Variants in GUSB observed in about 807,000 individuals in gnomAD.
The protein encoded by GUSB is glucuronidase beta.
In GUSB, 51 loss-of-function variants were observed where a neutral mutation model predicts 74.6. The ratio of observed to expected loss-of-function variants is 0.68; its 90% confidence interval spans 0.55 to 0.86. The LOEUF is 0.86. Ranked by LOEUF, GUSB falls within the 40% of genes least tolerant of loss-of-function variation. GUSB has a pLI of 0.00. For missense variants in GUSB, 736 were observed against 853.7 expected (o/e 0.86, Z 1.72); for synonymous variants, 360 against 348.3 (o/e 1.03, Z -0.37).
chr7:65,976,336 T>C lies in GUSB; in HGVS notation c.725-134A>G. On this transcript the variant is annotated intron_variant, in intron 4 of 11. Transcript: ENST00000304895. ...TTTTTTAAATTTAATTTCTTATTTT[T>C]TTTTTTTGAGACGGAGTCTCACTCT... 1.0e-5 allele frequency: 7 copies of C among 687,924 alleles called. No individual in the cohort carries two copies. In the South Asian group the frequency reaches 1.2e-4, roughly 12 times the overall value. The allele number at this position is 687,924 out of a possible 1,614,324, so 42.6% of individuals were successfully genotyped here.
chr7:65,968,071 G>C (rs1258287249), intron 9 of GUSB, among the ~76,000 whole-genome samples, 164 bp from the exon 10 acceptor site: 1 of 151,742 alleles, frequency 6.6e-6, no homozygotes, highest in Non-Finnish European at 1.5e-5. Context: ...GGGCAACACA[G>C]CAAGACTGCA....
intron 10 of GUSB, among the ~76,000 whole-genome samples, chr7:65,965,963 G>A (rs1790806611): frequency 6.6e-6 from 1 of 152,146 alleles, no homozygotes; most frequent in Admixed American, 6.5e-5. Flanking sequence ...TTGAGGTCAG[G>A]AGTTCAAGAC....
chr7:65,972,457 C>T (rs758979510), intron 8 of GUSB, among the ~76,000 whole-genome samples: 10 of 152,218 alleles, frequency 6.6e-5, no homozygotes, highest in Non-Finnish European at 1.0e-4. Context: ...AGCCACCGCA[C>T]CCAGCCTAGA....
At chr7:65,964,241 C>G in intron 11 of GUSB, 82 bp downstream of exon 11, 1 of 1,199,906 alleles carries the variant, frequency 8.3e-7, no homozygotes, top group Non-Finnish European at 1.2e-6. Flanking sequence ...AATATTCTTA[C>G]AATTGAAATG....
At chr7:65,970,400 C>T (rs1384736654) in intron 8 of GUSB, 34 bp from the exon 9 acceptor site, 2 of 1,452,326 alleles carry the variant, frequency 1.4e-6, no homozygotes, top group Non-Finnish European at 1.9e-6. Context: ...CAGGTTCCAT[C>T]AGTCCAGGAA....
At chr7:65,966,052 C>T (rs1360794058) in intron 10 of GUSB, among the ~76,000 whole-genome samples, 1 of 152,146 alleles carries the variant, frequency 6.6e-6, no homozygotes, top group East Asian at 1.9e-4. Flanking sequence ...TGCCTGTAAT[C>T]CCAGCTACTC....
At chr7:65,961,158 A>C (rs755541359) in intron 11 of GUSB, 95 bp from the exon 12 acceptor site, 1 of 1,257,902 alleles carries the variant, frequency 7.9e-7, no homozygotes, top group African/African-American at 1.5e-5. Flanking sequence ...CTAAATAGAA[A>C]TGTCTTTTTT....
chr7:65,979,566 C>T (rs1229898300), intron 3 of GUSB, 25 bp from the exon 4 acceptor site: 2 of 1,613,828 alleles, frequency 1.2e-6, no homozygotes, highest in Non-Finnish European at 1.7e-6. Flanking sequence ...CTGTGGTTTG[C>T]TGGGCCCTTG....
chr7:65,973,029 G>A (rs751696627), intron 8 of GUSB, among the ~76,000 whole-genome samples: 14 of 152,218 alleles, frequency 9.2e-5, no homozygotes, highest in Non-Finnish European at 1.2e-4. Context: ...AGAACTGCAC[G>A]ATTGTAAGGA....
At chr7:65,961,748 A>T (rs889319702) in intron 11 of GUSB, among the ~76,000 whole-genome samples, 1 of 152,212 alleles carries the variant, frequency 6.6e-6, no homozygotes, top group African/African-American at 2.4e-5. Context: ...TCATGCCTGT[A>T]ATCCCAGCAC....
chr7:65,965,949 T>C (rs992461469), intron 10 of GUSB, among the ~76,000 whole-genome samples: 2 of 152,108 alleles, frequency 1.3e-5, no homozygotes, highest in African/African-American at 2.4e-5. Flanking sequence ...GGCGGGCGGA[T>C]CACTTGAGGT....
At chr7:65,980,185 G>GGGGGGGGCCC in intron 2 of GUSB, 39 bp downstream of exon 2, 10 of 725,270 alleles carry the variant, frequency 1.4e-5, no homozygotes, top group Non-Finnish European at 2.2e-5. Flanking sequence ...CAGCAGCCGT[G>GGGGGGGGCCC]CCCCCCCACC....
intron 8 of GUSB, among the ~76,000 whole-genome samples, chr7:65,971,046 T>C (rs1319073711): frequency 6.6e-6 from 1 of 152,108 alleles, no homozygotes; most frequent in East Asian, 1.9e-4. Flanking sequence ...CCGAATCCTA[T>C]ACCCCCAGAG....
At chr7:65,981,829 C>T in intron 1 of GUSB, 145 bp downstream of exon 1, 1 of 695,154 alleles carries the variant, frequency 1.4e-6, no homozygotes, top group Non-Finnish European at 2.3e-6. Flanking sequence ...TCCCCCAAGC[C>T]GGCGCCCCCA....
rs560296537 is a variant in GUSB, at chr7:65,961,570, A to G, written c.1790-507T>C. On this transcript the variant is annotated intron_variant, in intron 11 of 11. Coordinates refer to ENST00000304895, the MANE Select transcript of GUSB (RefSeq NM_000181.4). ...TTCTAGTTTTCTAGTCTGTTAGGGG[A>G]AAAAAACCCAAAACAGTGGCCAGGT... Among the ~76,000 whole-genome samples, 14 of 150,226 alleles carry G rather than the reference A, an allele frequency of 9.3e-5. No homozygotes were observed. In the East Asian group the frequency reaches 1.5e-3, roughly 17 times the overall value.
chr7:65,971,859 G>A (rs1022045976), intron 8 of GUSB, among the ~76,000 whole-genome samples: 12 of 151,902 alleles, frequency 7.9e-5, no homozygotes, highest in Admixed American at 5.3e-4. Context: ...TGACCAACAC[G>A]GAGAAACCCC....
In GUSB at chr7:65,964,418, A is replaced by C. The variant is rs149448152; in HGVS notation, c.1694T>G (p.Leu565Arg). The change falls in exon 11 of 12, where the codon CTG becomes CGG. Residue 565 changes from leucine to arginine, a missense_variant. Leu to Arg is a moderately radical substitution (Grantham distance 102). This residue lies in a region of GUSB where 368 missense variants were observed against 489.9 expected (regional missense o/e 0.75). Coordinates refer to ENST00000304895, the MANE Select transcript of GUSB (RefSeq NM_000181.4). ...CAGACCCAGATGGTACTGCTCTAGC[A>C]GACTTTTCTGGTACTCTTCAGTGAA... is the stretch of plus-strand genomic sequence containing the variant. ...LMFTEEYQKS[L>R]LEQYHLGLDQ... The C allele has an allele frequency of 2.5e-6, 4 of 1,610,990 alleles. No individual in the cohort carries two copies. In the African/African-American group the frequency reaches 5.3e-5, roughly 22 times the overall value.
At chr7:65,967,139 G>T (rs984362728) in intron 10 of GUSB, among the ~76,000 whole-genome samples, 3 of 151,984 alleles carry the variant, frequency 2.0e-5, no homozygotes, top group Non-Finnish European at 4.4e-5. Flanking sequence ...CTGTGGGCCT[G>T]GGGGAGCCAA....
In GUSB at chr7:65,960,711, CTTTATTTCCATAATAGAAAATCT is replaced by C; in HGVS notation, c.*163_*185del. ...TTCAGTAGCCACTTTCATGCCAACT[CTTTATTTCCATAATAGAAAATCT>C]TTTATTTCCACCTTTAGTGTTCCCT... On this transcript the variant is annotated 3_prime_UTR_variant, in exon 12 of 12. Coordinates refer to ENST00000304895, the MANE Select transcript of GUSB (RefSeq NM_000181.4). The C allele has an allele frequency of 3.2e-6, 2 of 618,312 alleles. No homozygotes were observed. The highest frequency in any genetic ancestry group is 4.3e-4 in the Middle Eastern group (1 of 2,302). The allele number at this position is 618,312 out of a possible 1,614,324, so 38.3% of individuals were successfully genotyped here.
Sources: gnomAD v4.1 joint callset for allele counts (sites outside exome capture counted in the v4.1 genomes callset) on GRCh38, gnomAD v4.1.1 for gene constraint, gnomAD v4.1.1 regional missense constraint, MANE v1.5 for transcripts, NCBI Gene and HGNC (gene_info 2026-07-23, HGNC 2026-07-21) for gene names.